Variants in CPSF1 observed in about 807,000 individuals in gnomAD.
CPSF1 encodes the protein cleavage and polyadenylation specificity factor subunit 1.
Under a neutral mutation model 175.8 loss-of-function variants are expected in CPSF1, and 106 were observed. The ratio of observed to expected loss-of-function variants is 0.60; its 90% CI spans 0.52 to 0.71. The LOEUF is 0.71. Ranked by LOEUF, CPSF1 falls within the 30% of genes least tolerant of loss-of-function variation. The pLI, the probability that CPSF1 is intolerant of heterozygous loss-of-function variation, is 0.00. For synonymous variants in CPSF1, 1,024 were observed against 858.3 expected (o/e 1.19, Z -3.37); for missense variants, 1,734 against 2,022.9 (o/e 0.86, Z 2.74).
chr8:144,406,946 T>C (rs1821530329), intron 2 of CPSF1, among the ~76,000 whole-genome samples: 2 of 151,922 alleles, frequency 1.3e-5, no homozygotes, highest in African/African-American at 4.8e-5. Flanking sequence ...TTAGATGGAG[T>C]TTTGCTCTGT....
intron 29 of CPSF1, 21 bp downstream of exon 29, chr8:144,395,077 C>T (rs1554863166): frequency 5.0e-6 from 8 of 1,603,352 alleles, no homozygotes; most frequent in Non-Finnish European, 6.8e-6. Context: ...GCAGACCCCA[C>T]CCCCGCCGGC....
chr8:144,396,794 C>A, intron 24 of CPSF1, 46 bp downstream of exon 24: 1 of 1,613,634 alleles, frequency 6.2e-7, no homozygotes, highest in Non-Finnish European at 8.5e-7. Context: ...AAACCCACAC[C>A]TTGTACCACA....
At chr8:144,407,410 A>G (rs1821555092) in intron 2 of CPSF1, among the ~76,000 whole-genome samples, 1 of 152,130 alleles carries the variant, frequency 6.6e-6, no homozygotes, top group Non-Finnish European at 1.5e-5. Flanking sequence ...GGCCAAGCAC[A>G]GTGGTGCACT....
Position 144,401,022 on chromosome 8 carries a change from C to T in CPSF1, c.441G>A (p.Gly147=), listed in dbSNP as rs1554866737. 6.2e-7 allele frequency: 1 copy of T among 1,609,466 alleles called. No homozygotes were observed. Among genetic ancestry groups the T allele is most frequent in the Non-Finnish European group, 8.5e-7 (1 of 1,177,764 alleles). ...HTPRVRVDPD[G]RCAAMLVYGT... is the part of the protein sequence containing the mutation. ...CGTAGACAAGCATGGCTGCACAGCG[C>T]CCGTCGGGGTCCACCCGCACTCGCG... The change falls in exon 6 of 38, where the codon GGG becomes GGA. Residue 147 remains glycine, a synonymous_variant. Transcript: ENST00000616140.
In CPSF1 at chr8:144,409,045, G is replaced by C; in HGVS notation, c.114C>G (p.Leu38=). Residue 38 remains leucine, a synonymous_variant, in exon 2 of 38, where the codon CTC becomes CTG. Coordinates refer to ENST00000616140, the MANE Select transcript of CPSF1 (RefSeq NM_013291.3). ...CGTCGCGGTTGAGGCGGTACACGTA[G>C]AGCTGCGAGGTCCCGGCCACTACCA... ...RNLVVAGTSQ[L]YVYRLNRDAE... The C allele has an allele frequency of 1.2e-6, 2 of 1,613,638 alleles. No homozygotes were observed. Among genetic ancestry groups the C allele is most frequent in the South Asian group, 1.1e-5 (1 of 91,082 alleles).
At position 144,393,870 on chromosome 8, in the gene CPSF1, C is replaced by A; in HGVS notation, c.4015+13G>T. 6.2e-7 allele frequency: 1 copy of A among 1,605,962 alleles called. No homozygotes were observed. The highest frequency in any genetic ancestry group is 8.5e-7 in the Non-Finnish European group (1 of 1,177,014). On this transcript the variant is annotated intron_variant, in intron 35 of 37. Transcript: ENST00000616140. ...GGCCCCCCACCCAGACACACCTGCTCCCCCACACTCACCAAACCACGTGAT... is the reference window on the plus strand; with the variant it reads ...GGCCCCCCACCCAGACACACCTGCTACCCCACACTCACCAAACCACGTGAT...
At position 144,401,989 on chromosome 8, in the gene CPSF1, C is replaced by G. The variant is rs2116888111; in HGVS notation, c.145-316G>C. Among the ~76,000 whole-genome samples the G allele has an allele frequency of 2.0e-5, 3 of 152,310 alleles. No individual in the cohort carries two copies. The East Asian group carries it at 5.8e-4, about 29-fold the overall frequency. Reference sequence around the variant, plus strand: ...GAGTGCACTCTGTGTCTGCACACCCCCAAACCTGCCTGGTTGCACACCTAC... The same window carrying G: ...GAGTGCACTCTGTGTCTGCACACCCGCAAACCTGCCTGGTTGCACACCTAC... On this transcript the variant is annotated intron_variant, in intron 2 of 37. Transcript: ENST00000616140.
Position 144,401,484 on chromosome 8 carries a change from C to T in CPSF1, c.252G>A (p.Val84=), listed in dbSNP as rs2116884777. ...CATCCCGCTTGGCTCCTGCCAGCTG[C>T]ACGCTGGCCATGGACATGACGTTGC... The part of the protein sequence containing the change: ...FFGNVMSMAS[V]QLAGAKRDAL... Residue 84 remains valine (V), a synonymous_variant, in exon 4 of 38, where the codon GTG becomes GTA. Coordinates refer to ENST00000616140, the MANE Select transcript of CPSF1 (RefSeq NM_013291.3). 3.7e-6 allele frequency: 6 copies of T among 1,613,914 alleles called. No homozygotes were observed. The African/African-American group carries it at 8.0e-5, about 22-fold the overall frequency.
In CPSF1 at chr8:144,397,474, G is replaced by C. The variant is rs1554864379; in HGVS notation, c.2385+13C>G. 6.3e-7 allele frequency: 1 copy of C among 1,597,972 alleles called. No homozygotes were observed. ...GTGGAACCCGCTGGGCCACAGTGCA[G>C]GGCACCACCTACCTCCATGGTGCCA... is the stretch of plus-strand genomic sequence containing the variant. On this transcript the variant is annotated intron_variant, in intron 22 of 37. Coordinates refer to ENST00000616140, the MANE Select transcript of CPSF1 (RefSeq NM_013291.3).
rs2116859761 is a variant in CPSF1 at position 144,399,165 on chromosome 8, T to C, written c.1430A>G (p.Asn477Ser). The C allele has an allele frequency of 3.4e-5, 54 of 1,594,944 alleles. No homozygotes were observed. Among genetic ancestry groups the C allele is most frequent in the Non-Finnish European group, 4.4e-5 (52 of 1,170,966 alleles). The change falls in exon 15 of 38, where the codon AAT becomes AGT. Residue 477 changes from asparagine to serine, a missense_variant. By Grantham distance (46) the Asn-to-Ser change is conservative. Transcript: ENST00000616140. This position sits in a 1 kb window ranked among gnomAD's most constrained non-coding sequence, Gnocchi z 6.4. ...GAAGGCAGGCTCGCCCACGGCGGCA[T>C]TGGCACAGGGTCCAATGTTCAGGAT... ...DSILNIGPCA[N>S]AAVGEPAFLS...
rs1554866426 is a variant in CPSF1, at chr8:144,400,648, AGGG to A, written c.686+20_686+22del. 6.3e-7 allele frequency: 1 copy of A among 1,599,946 alleles called. No individual in the cohort carries two copies. Among genetic ancestry groups the A allele is most frequent in the Admixed American group, 1.8e-5 (1 of 57,032 alleles). ...GGCAGCTAGGGGGCCCACAGTGCAG[AGGG>A]GCCTCCTTAGGGGGCTCACCCAGGC... On this transcript the variant is annotated intron_variant, in intron 7 of 37. Transcript: ENST00000616140.
At chr8:144,408,338 C>T (rs1215926955) in intron 2 of CPSF1, among the ~76,000 whole-genome samples, 1 of 152,176 alleles carries the variant, frequency 6.6e-6, no homozygotes, top group Non-Finnish European at 1.5e-5. Context: ...GTAAGAGGTA[C>T]TCCTCCCTTC....
chr8:144,396,695 T>G lies in CPSF1; in HGVS notation c.2729A>C (p.Lys910Thr). The change falls in exon 25 of 38, where the codon AAG becomes ACG. Residue 910 changes from lysine (K) to threonine (T), a missense_variant. Around this residue, in one of 10 missense-constraint regions of CPSF1, gnomAD observed 585 missense variants for 584.7 expected, o/e 1.00. Transcript: ENST00000616140. ...NFREKKPKPS[K>T]KKAEGGGAEE... ...TGCGCCGCCACCTTCTGCTTTCTTCTTGGATGGCTTTGGCTTCTTCTCACG... is the reference window on the plus strand; with the variant it reads ...TGCGCCGCCACCTTCTGCTTTCTTCGTGGATGGCTTTGGCTTCTTCTCACG... The G allele has an allele frequency of 6.2e-7, 1 of 1,613,934 alleles. No homozygotes were observed. Among genetic ancestry groups the G allele is most frequent in the Non-Finnish European group, 8.5e-7 (1 of 1,180,014 alleles).
intron 7 of CPSF1, 37 bp from the exon 8 acceptor site, chr8:144,400,530 C>T (rs2116876004): frequency 1.2e-6 from 2 of 1,610,524 alleles, no homozygotes; most frequent in Non-Finnish European, 1.7e-6. Flanking sequence ...GGCCTTGCCT[C>T]CCCGCAGAGA....
chr8:144,404,264 G>A (rs1426565286), intron 2 of CPSF1, among the ~76,000 whole-genome samples: 1 of 152,064 alleles, frequency 6.6e-6, no homozygotes, highest in Non-Finnish European at 1.5e-5. Context: ...TCTTGGTCAG[G>A]ACCAGCCAAG....
intron 26 of CPSF1, chr8:144,396,090 C>T (rs536183338): frequency 5.4e-5 from 29 of 541,086 alleles, no homozygotes; most frequent in Middle Eastern, 4.9e-4. Flanking sequence ...CCAGGCCCTG[C>T]GAGGGCTTGC....
chr8:144,394,579 C>T (rs376203383), intron 31 of CPSF1, 24 bp from the exon 32 acceptor site: 20 of 1,602,822 alleles, frequency 1.2e-5, no homozygotes, highest in Admixed American at 6.9e-5. Context: ...CGAGGGTGAG[C>T]GGGCGCGGAC....
At position 144,396,335 on chromosome 8, in the gene CPSF1, G is replaced by A. The variant is rs781825669; in HGVS notation, c.2979+13C>T. ...GCATCAGCCAGTGCTGCTGGGAACC[G>A]GCCGGGCCCCACCTGTCTGTTGAAG... On this transcript the variant is annotated intron_variant, in intron 26 of 37. Transcript: ENST00000616140. 19 of 1,577,008 alleles carry A rather than the reference G, an allele frequency of 1.2e-5. No homozygotes were observed. Among genetic ancestry groups the A allele is most frequent in the African/African-American group, 2.7e-5 (2 of 74,586 alleles).
In CPSF1 at chr8:144,401,549, G is replaced by T; in HGVS notation, c.187C>A (p.Arg63=). The T allele has an allele frequency of 6.2e-7, 1 of 1,613,634 alleles. No homozygotes were observed. Among genetic ancestry groups the T allele is most frequent in the Non-Finnish European group, 8.5e-7 (1 of 1,179,834 alleles). The change falls in exon 4 of 38, where the codon CGG becomes AGG. Residue 63 remains arginine, a synonymous_variant. Transcript: ENST00000616140. ...NDRSTEGKAH[R]EKLELAASFS... ...GAGGCAGCAAGCTCGAGCTTCTCCC[G>T]GTGGGCCTTCCCCTCTAGGGGAGAC...
Sources: gnomAD v4.1 joint callset for allele counts (sites outside exome capture counted in the v4.1 genomes callset) on GRCh38, gnomAD v4.1.1 for gene constraint, gnomAD v4.1.1 regional missense constraint, Gnocchi (gnomAD v3.1) non-coding constraint, MANE v1.5 for transcripts, NCBI Gene and HGNC (gene_info 2026-07-23, HGNC 2026-07-21) for gene names.